Variants in DNAJC7 observed in about 807,000 individuals in gnomAD.
The protein encoded by DNAJC7 is DnaJ heat shock protein family (Hsp40) member C7.
In DNAJC7, 18 loss-of-function variants were observed where a neutral mutation model predicts 67.4. The ratio of observed to expected loss-of-function variants is 0.27; its 90% CI spans 0.18 to 0.40. The LOEUF (loss-of-function observed/expected upper bound fraction) is 0.40. DNAJC7 is among the 10% of genes least tolerant of loss of function. The pLI, the probability that DNAJC7 is intolerant of heterozygous loss-of-function variation, is 1.00. For missense variants in DNAJC7, 419 were observed against 613.8 expected, an observed-to-expected ratio of 0.68 and a Z score of 3.35; for synonymous variants, 220 against 207.8, an observed-to-expected ratio of 1.06 and a Z score of -0.50.
intron 1 of DNAJC7, among the ~76,000 whole-genome samples, chr17:42,006,369 A>T (rs1262875742): frequency 3.3e-5 from 5 of 150,974 alleles, no homozygotes; most frequent in Non-Finnish European, 7.4e-5. Context: ...TATTTATTTA[A>T]TTTTTGGGAA....
chr17:42,005,070 T>C (rs908517417), intron 1 of DNAJC7, among the ~76,000 whole-genome samples: 72 of 152,182 alleles, frequency 4.7e-4, no homozygotes, highest in African/African-American at 1.7e-3. Context: ...CTTTGAAAAC[T>C]TGCTCTTCTA....
At chr17:42,017,231 G>A in intron 1 of DNAJC7, 109 bp downstream of exon 1, 1 of 1,599,326 alleles carries the variant, frequency 6.3e-7, no homozygotes, top group Non-Finnish European at 8.5e-7. Flanking sequence ...GGTGTTTGCG[G>A]AGGGCGGGGC....
chr17:41,991,680 T>A (rs1204865035), intron 5 of DNAJC7, among the ~76,000 whole-genome samples: 3 of 152,076 alleles, frequency 2.0e-5, no homozygotes, highest in African/African-American at 7.2e-5. Flanking sequence ...TTTCTAACTT[T>A]TGTTTGTTTT....
At chr17:41,989,779 GGGTTT>G (rs2051467668) in intron 6 of DNAJC7, among the ~76,000 whole-genome samples, 1 of 150,080 alleles carries the variant, frequency 6.7e-6, no homozygotes, top group African/African-American at 2.5e-5. Context: ...AACTAGAACA[GGGTTT>G]GGCAAACTAC....
At chr17:41,982,133 A>C in intron 11 of DNAJC7, 122 bp downstream of exon 11, 4 of 1,549,804 alleles carry the variant, frequency 2.6e-6, no homozygotes, top group Non-Finnish European at 3.5e-6. Flanking sequence ...AGGGTCCACA[A>C]GTCTGCAACA....
chr17:41,994,446 G>A (rs371683034), intron 5 of DNAJC7, among the ~76,000 whole-genome samples: 60 of 146,734 alleles, frequency 4.1e-4, no homozygotes, highest in African/African-American at 1.4e-3. Flanking sequence ...CAGGATAATC[G>A]TTTGAACCCG....
chr17:41,995,150 G>A (rs959672729), intron 4 of DNAJC7, among the ~76,000 whole-genome samples: 38 of 152,294 alleles, frequency 2.5e-4, no homozygotes, highest in African/African-American at 7.9e-4. Flanking sequence ...ACTGCGACAG[G>A]CTGCCATGGC....
At chr17:41,997,265 A>T in intron 2 of DNAJC7, 26 bp from the exon 3 acceptor site, 1 of 1,608,704 alleles carries the variant, frequency 6.2e-7, no homozygotes, top group Non-Finnish European at 8.5e-7. Flanking sequence ...AAGAACGTAA[A>T]ACAAAGTTTA....
rs1555646013 is a variant in DNAJC7, at chr17:41,981,876, C to T, written c.1363G>A (p.Glu455Lys). 6.2e-7 allele frequency: 1 copy of T among 1,613,950 alleles called. No individual in the cohort carries two copies. The highest frequency in any genetic ancestry group is 8.5e-7 in the Non-Finnish European group (1 of 1,179,862). ...TCACCACCCATATTCATGCCCTCCT[C>T]ATCTAGGTCCTGTCCACTGTCATAG... is the stretch of plus-strand genomic sequence containing the variant. ...TRYDSGQDLD[E>K]EGMNMGDFDP... is the part of the protein sequence containing the mutation. Residue 455 changes from glutamate (E) to lysine (K), a missense_variant, in exon 12 of 14, where the codon GAG (glutamate) becomes AAG (lysine). Coordinates refer to ENST00000457167, the MANE Select transcript of DNAJC7 (RefSeq NM_003315.4).
chr17:41,983,676 A>C, intron 9 of DNAJC7, 40 bp from the exon 10 acceptor site: 1 of 1,558,202 alleles, frequency 6.4e-7, no homozygotes, highest in Non-Finnish European at 8.7e-7. Context: ...CTAAGACATA[A>C]ATAGCAGTGG....
At chr17:41,993,379 A>G (rs1303251511) in intron 5 of DNAJC7, among the ~76,000 whole-genome samples, 1 of 152,198 alleles carries the variant, frequency 6.6e-6, no homozygotes, top group Non-Finnish European at 1.5e-5. Context: ...GAATGGCATG[A>G]ACCCAGGAGG....
intron 1 of DNAJC7, chr17:42,016,545 T>G (rs1288520294): frequency 6.6e-6 from 1 of 152,416 alleles, no homozygotes; most frequent in Non-Finnish European, 1.5e-5. Context: ...TAATCTGGCC[T>G]AACTGTTGCC....
intron 5 of DNAJC7, among the ~76,000 whole-genome samples, chr17:41,991,035 C>G (rs782458263): frequency 2.1e-4 from 32 of 152,142 alleles, no homozygotes; most frequent in Admixed American, 4.6e-4. Context: ...ACTATACAAA[C>G]CACAAGCCAA....
At chr17:42,006,553 C>G (rs2051962297) in intron 1 of DNAJC7, among the ~76,000 whole-genome samples, 1 of 151,348 alleles carries the variant, frequency 6.6e-6, no homozygotes, top group African/African-American at 2.4e-5. Flanking sequence ...AATCCCAGCA[C>G]TTTGGGAGGC....
At chr17:41,986,047 T>TAAGAAAAAAAAAAAAA (rs2051365989) in intron 9 of DNAJC7, 1 of 32,550 alleles carries the variant, frequency 3.1e-5, no homozygotes, top group Non-Finnish European at 5.3e-5. Flanking sequence ...GGGGCTTGCT[T>TAAGAAAAAAAAAAAAA]AAAAAAAAAA....
At chr17:42,017,037 C>G in intron 1 of DNAJC7, 6 of 1,335,910 alleles carry the variant, frequency 4.5e-6, no homozygotes, top group Non-Finnish European at 5.8e-6. Flanking sequence ...CCGCTTCCCC[C>G]ACCTCGCACC....
At chr17:41,982,036 G>GT in intron 11 of DNAJC7, 29 bp from the exon 12 acceptor site, 1 of 1,593,492 alleles carries the variant, frequency 6.3e-7, no homozygotes, top group Non-Finnish European at 8.5e-7. Context: ...GAACAACTCA[G>GT]TGGAAATCAA....
intron 2 of DNAJC7, among the ~76,000 whole-genome samples, chr17:41,997,526 A>G (rs559310795): frequency 4.5e-4 from 68 of 152,082 alleles, no homozygotes; most frequent in African/African-American, 1.6e-3. Flanking sequence ...GAATCTGGGA[A>G]GTGGAGGTTG....
chr17:42,001,980 T>C (rs879971705), intron 1 of DNAJC7, among the ~76,000 whole-genome samples: 2 of 152,134 alleles, frequency 1.3e-5, no homozygotes, highest in South Asian at 2.1e-4. Flanking sequence ...ATACCAACTA[T>C]CACAATGCTG....
Sources: allele counts gnomAD v4.1 joint callset (sites outside exome capture counted in the v4.1 genomes callset), GRCh38; gene constraint gnomAD v4.1.1; transcripts MANE v1.5; gene names NCBI Gene and HGNC (gene_info 2026-07-23, HGNC 2026-07-21).